MBNL2: variants seen among roughly 807,000 people sequenced by gnomAD.
MBNL2 encodes the protein muscleblind-like protein 2.
Under a neutral mutation model 41.9 loss-of-function variants are expected in MBNL2, and 17 were observed. That is an observed-to-expected ratio of 0.41 (90% confidence interval 0.28 to 0.61). MBNL2 has a LOEUF of 0.61. Among genes scored for constraint, MBNL2 ranks in the 20% least tolerant of loss-of-function variants. MBNL2 has a pLI of 0.35. For synonymous variants in MBNL2, 195 were observed against 182.9 expected (o/e 1.07, Z -0.53); for missense variants, 336 against 505.6 (o/e 0.66, Z 3.22).
intron 3 of MBNL2, among the ~76,000 whole-genome samples, chr13:97,340,364 A>G (rs980133613): frequency 5.9e-5 from 9 of 152,216 alleles, no homozygotes; most frequent in Admixed American, 5.2e-4. Flanking sequence ...TTTTCAGTCC[A>G]CATTTCAAAA....
chr13:97,307,629 G>T (rs1281316821), intron 2 of MBNL2, among the ~76,000 whole-genome samples: 1 of 152,166 alleles, frequency 6.6e-6, no homozygotes, highest in Non-Finnish European at 1.5e-5. Flanking sequence ...GTGCAGATTT[G>T]TGATATAAAC....
At chr13:97,328,369 G>C (rs1362649602) in intron 2 of MBNL2, among the ~76,000 whole-genome samples, 2 of 152,142 alleles carry the variant, frequency 1.3e-5, no homozygotes, top group Non-Finnish European at 2.9e-5. Context: ...GGGGTCTAAA[G>C]CAGGCTCCAG....
At chr13:97,300,589 A>G (rs2057520020) in intron 2 of MBNL2, among the ~76,000 whole-genome samples, 1 of 152,144 alleles carries the variant, frequency 6.6e-6, no homozygotes, top group African/African-American at 2.4e-5. Context: ...CCTTCTGTCT[A>G]ACTCAGAGTC....
intron 8 of MBNL2, among the ~76,000 whole-genome samples, chr13:97,382,645 T>C (rs1343470825): frequency 6.6e-6 from 1 of 151,934 alleles, no homozygotes; most frequent in African/African-American, 2.4e-5. Context: ...CCCATTTCTC[T>C]TGATGCCATG....
At chr13:97,315,004 T>G (rs908285115) in intron 2 of MBNL2, among the ~76,000 whole-genome samples, 1 of 152,160 alleles carries the variant, frequency 6.6e-6, no homozygotes, top group Non-Finnish European at 1.5e-5. Context: ...TAAAATGAAA[T>G]GTATTTTCAT....
chr13:97,346,710 G>A lies in MBNL2; in HGVS notation c.541-94G>A, dbSNP rs565409941. The A allele has an allele frequency of 6.1e-6, 6 of 990,252 alleles. No individual in the cohort carries two copies. The Admixed American group carries it at 7.5e-5, about 12-fold the overall frequency. 61.3% of individuals were successfully genotyped at this position (990,252 alleles called of 1,614,324 possible). ...TGGTACATGAGCCACCATTGAAAGC[G>A]AGGCAGCCTCCGCTCCTCCCGCGGT... On this transcript the variant is annotated intron_variant, in intron 4 of 8. Coordinates refer to ENST00000679496, the MANE Select transcript of MBNL2 (RefSeq NM_001382683.1). This position sits in a 1 kb window ranked among gnomAD's most constrained non-coding sequence, Gnocchi z 4.2.
At chr13:97,216,364 G>T in the MBNL2 span, among the ~76,000 whole-genome samples, 1 of 152,112 alleles carries the variant, frequency 6.6e-6, no homozygotes, top group Non-Finnish European at 1.5e-5. Context: ...TGTACCCTCA[G>T]GGGGCTTATG....
chr13:97,172,790 T>C, the MBNL2 span: 10 of 152,318 alleles, frequency 6.6e-5, no homozygotes, highest in Middle Eastern at 3.4e-3. Flanking sequence ...AAGGTCAGCA[T>C]GTAACTGTAA....
At chr13:97,212,448 T>G in the MBNL2 span, among the ~76,000 whole-genome samples, 1,863 of 152,264 alleles carry the variant, frequency 0.012, 44 homozygotes, top group African/African-American at 0.042. Context: ...CCTGATCCCC[T>G]CTACCAGGCC....
the MBNL2 span, among the ~76,000 whole-genome samples, chr13:97,162,087 G>A: frequency 2.0e-5 from 3 of 152,250 alleles, no homozygotes; most frequent in African/African-American, 4.8e-5. Flanking sequence ...AGGAGGAAGA[G>A]GAGAGAGAAG....
the MBNL2 span, among the ~76,000 whole-genome samples, chr13:97,188,671 C>G: frequency 6.6e-6 from 1 of 150,786 alleles, no homozygotes; most frequent in Non-Finnish European, 1.5e-5. Flanking sequence ...GCAAAGAGAA[C>G]ATGCATGTTT....
intron 3 of MBNL2, among the ~76,000 whole-genome samples, chr13:97,341,429 T>TA (rs1483348693): frequency 6.6e-6 from 1 of 152,230 alleles, no homozygotes; most frequent in Non-Finnish European, 1.5e-5. Flanking sequence ...TACTAAATTA[T>TA]AAAAGCTACA....
At chr13:97,342,873 C>G in intron 3 of MBNL2, 143 bp from the exon 4 acceptor site, 1 of 558,672 alleles carries the variant, frequency 1.8e-6, no homozygotes, top group Non-Finnish European at 3.2e-6. Context: ...ACATGGATGT[C>G]ATTTTTATTA....
chr13:97,201,565 T>G, the MBNL2 span, among the ~76,000 whole-genome samples: 3 of 152,192 alleles, frequency 2.0e-5, no homozygotes, highest in East Asian at 1.9e-4. Flanking sequence ...ATGATTCTAT[T>G]TTTTTCAAAT....
chr13:97,330,013 A>G (rs141407164), intron 2 of MBNL2, among the ~76,000 whole-genome samples: 3 of 152,300 alleles, frequency 2.0e-5, no homozygotes, highest in Non-Finnish European at 4.4e-5. Flanking sequence ...AACTTGTAAC[A>G]AGACATGTTT....
At chr13:97,263,672 C>T (rs112543616) in intron 1 of MBNL2, among the ~76,000 whole-genome samples, 130 of 152,202 alleles carry the variant, frequency 8.5e-4, no homozygotes, top group African/African-American at 2.9e-3. Context: ...GGCTGGAGTG[C>T]GGTGGTGCTA....
the MBNL2 span, among the ~76,000 whole-genome samples, chr13:97,189,516 G>T: frequency 6.6e-6 from 1 of 152,130 alleles, no homozygotes; most frequent in Non-Finnish European, 1.5e-5. Flanking sequence ...ATACATGTAG[G>T]TGTGTATATA....
intron 1 of MBNL2, among the ~76,000 whole-genome samples, chr13:97,224,250 G>T (rs946986393): frequency 2.6e-5 from 4 of 152,172 alleles, no homozygotes; most frequent in Non-Finnish European, 5.9e-5. Flanking sequence ...TTAGGATCCA[G>T]GTTGTGCCAC....
At chr13:97,260,379 G>C (rs1436509345) in intron 1 of MBNL2, among the ~76,000 whole-genome samples, 1 of 152,220 alleles carries the variant, frequency 6.6e-6, no homozygotes, top group Non-Finnish European at 1.5e-5. Context: ...GGGAGCCATT[G>C]GAGGTTCCTG....
Sources: allele counts gnomAD v4.1 joint callset (sites outside exome capture counted in the v4.1 genomes callset), GRCh38; gene constraint gnomAD v4.1.1; non-coding constraint Gnocchi (gnomAD v3.1); transcripts MANE v1.5; gene names NCBI Gene and HGNC (gene_info 2026-07-23, HGNC 2026-07-21).